The following PTPRG variants were observed in gnomAD, a reference collection of about 807,000 sequenced individuals.
The protein encoded by PTPRG is protein tyrosine phosphatase receptor type G.
Under a neutral mutation model 165.3 loss-of-function variants are expected in PTPRG, and 102 were observed. The ratio of observed to expected loss-of-function variants is 0.62; its 90% CI spans 0.53 to 0.73. The LOEUF is 0.73. Ranked by LOEUF, PTPRG falls within the 30% of genes least tolerant of loss-of-function variation. The probability of loss-of-function intolerance (pLI) is 0.00; values close to 1 mark genes in which losing one functional copy is unlikely to be tolerated. For missense variants in PTPRG, 1,866 were observed against 1,861.4 expected (o/e 1.00, Z -0.05); for synonymous variants, 675 against 669.5 (o/e 1.01, Z -0.13).
At chr3:61,836,194 C>G (rs1165244266) in intron 2 of PTPRG, among the ~76,000 whole-genome samples, 1 of 152,000 alleles carries the variant, frequency 6.6e-6, no homozygotes, top group Non-Finnish European at 1.5e-5. Context: ...TAAGTCTTTA[C>G]CTTCCTTGTC....
intron 1 of PTPRG, among the ~76,000 whole-genome samples, chr3:61,647,716 T>C (rs964548708): frequency 3.6e-5 from 5 of 138,970 alleles, no homozygotes; most frequent in African/African-American, 5.5e-5. Flanking sequence ...GGTGTGAACC[T>C]GGGAGGCGGA....
chr3:61,979,211 C>T (rs1240957908), intron 2 of PTPRG, among the ~76,000 whole-genome samples: 1 of 152,134 alleles, frequency 6.6e-6, no homozygotes, highest in African/African-American at 2.4e-5. Flanking sequence ...ATTGATTTTT[C>T]CTTTTGGTTC....
chr3:61,958,770 G>A (rs1012044844), intron 2 of PTPRG, among the ~76,000 whole-genome samples: 1 of 152,116 alleles, frequency 6.6e-6, no homozygotes, highest in Non-Finnish European at 1.5e-5. Flanking sequence ...TGTTGAATTG[G>A]AGATAGTCAC....
chr3:61,713,618 C>G (rs1253076590), intron 1 of PTPRG, among the ~76,000 whole-genome samples: 1 of 152,104 alleles, frequency 6.6e-6, no homozygotes, highest in African/African-American at 2.4e-5. Flanking sequence ...TATTAGCCCT[C>G]CCCCAAATTT....
rs531147517 is a variant in PTPRG at position 61,688,099 on chromosome 3, G to C, written c.86-60779G>C. On this transcript the variant is annotated intron_variant, in intron 1 of 29. Transcript: ENST00000474889. ...GGCTGACATCACTTTCATGACCTTG[G>C]CTCTGTTGAGGTGGTTGTCAGGGAA... Among the ~76,000 whole-genome samples, 32 of 152,270 alleles carry C rather than the reference G, an allele frequency of 2.1e-4. No individual in the cohort carries two copies. In the South Asian group the frequency reaches 6.4e-3, roughly 31 times the overall value.
chr3:61,813,122 G>C (rs553395489), intron 2 of PTPRG, among the ~76,000 whole-genome samples: 1 of 152,180 alleles, frequency 6.6e-6, no homozygotes, highest in Admixed American at 6.5e-5. Flanking sequence ...TCTCTAGCAT[G>C]AGGTTATGTG....
chr3:61,787,608 C>G (rs2034746738), intron 2 of PTPRG, among the ~76,000 whole-genome samples: 1 of 152,168 alleles, frequency 6.6e-6, no homozygotes, highest in Non-Finnish European at 1.5e-5. Context: ...TTCTGGGAAG[C>G]CCATAAATGC....
intron 1 of PTPRG, among the ~76,000 whole-genome samples, chr3:61,647,132 G>A (rs1358537156): frequency 6.6e-6 from 1 of 152,168 alleles, no homozygotes; most frequent in Non-Finnish European, 1.5e-5. Context: ...GCTCAAGGGT[G>A]CCATTGCTGG....
At chr3:61,732,009 G>A (rs2032521660) in intron 1 of PTPRG, among the ~76,000 whole-genome samples, 1 of 151,778 alleles carries the variant, frequency 6.6e-6, no homozygotes, top group Non-Finnish European at 1.5e-5. Context: ...TCACCATGTT[G>A]GCCAGGCTGG....
chr3:61,774,155 C>A (rs2034299279), intron 2 of PTPRG, among the ~76,000 whole-genome samples: 1 of 152,092 alleles, frequency 6.6e-6, no homozygotes, highest in Non-Finnish European at 1.5e-5. Flanking sequence ...TAGAACACAG[C>A]AAAGCATGAC....
chr3:62,189,069 G>A (rs1699738709), intron 8 of PTPRG, among the ~76,000 whole-genome samples: 2 of 152,222 alleles, frequency 1.3e-5, no homozygotes, highest in South Asian at 4.2e-4. Flanking sequence ...TGTCTCCGTG[G>A]AAGCCTCCCT....
chr3:61,679,342 C>T (rs1423080156), intron 1 of PTPRG, among the ~76,000 whole-genome samples: 1 of 152,152 alleles, frequency 6.6e-6, no homozygotes, highest in Admixed American at 6.5e-5. Flanking sequence ...TGAGAAGTTG[C>T]TCAGTTTCAG....
At chr3:61,634,081 A>C in intron 1 of PTPRG, among the ~76,000 whole-genome samples, 1 of 151,170 alleles carries the variant, frequency 6.6e-6, no homozygotes, top group East Asian at 1.9e-4. Flanking sequence ...TGTCTGGCTA[A>C]TTTTTTTTAT....
intron 6 of PTPRG, among the ~76,000 whole-genome samples, chr3:62,134,873 A>C (rs1023354072): frequency 6.6e-6 from 1 of 152,226 alleles, no homozygotes; most frequent in Non-Finnish European, 1.5e-5. Flanking sequence ...GGAAGGAGGA[A>C]CTAAAGCCCA....
chr3:62,199,601 A>G (rs1404315984), intron 10 of PTPRG, among the ~76,000 whole-genome samples: 2 of 152,148 alleles, frequency 1.3e-5, no homozygotes, highest in Non-Finnish European at 2.9e-5. Flanking sequence ...TTTTGTTTTT[A>G]TAGAAGTTTG....
chr3:62,192,759 T>A (rs1034956591), intron 9 of PTPRG, among the ~76,000 whole-genome samples: 2 of 152,086 alleles, frequency 1.3e-5, no homozygotes, highest in African/African-American at 4.8e-5. Context: ...AGTGACACAT[T>A]TGGTTTGAAA....
chr3:62,205,050 G>C (rs1318620250), intron 12 of PTPRG, among the ~76,000 whole-genome samples: 1 of 151,132 alleles, frequency 6.6e-6, no homozygotes, highest in African/African-American at 2.4e-5. Flanking sequence ...TTTTGCACTT[G>C]TAAACATTAA....
intron 2 of PTPRG, among the ~76,000 whole-genome samples, chr3:61,884,958 T>A (rs1231676125): frequency 6.6e-6 from 1 of 152,190 alleles, no homozygotes; most frequent in East Asian, 1.9e-4. Flanking sequence ...TCAGGTTTAA[T>A]CAGAGTACCT....
intron 2 of PTPRG, among the ~76,000 whole-genome samples, chr3:61,955,526 G>A (rs1460607391): frequency 6.6e-6 from 1 of 152,164 alleles, no homozygotes; most frequent in African/African-American, 2.4e-5. Context: ...TTGCATAAAA[G>A]TACAACTGTG....
Sources: allele counts gnomAD v4.1 joint callset (sites outside exome capture counted in the v4.1 genomes callset), GRCh38; gene constraint gnomAD v4.1.1; transcripts MANE v1.5; gene names NCBI Gene and HGNC (gene_info 2026-07-23, HGNC 2026-07-21).